Variants in TGDS observed in about 807,000 individuals in gnomAD.
TGDS encodes the protein TDP-glucose 4,6-dehydratase.
TGDS carries 47 observed loss-of-function variants against 52.3 expected under a neutral mutation model. The ratio of observed to expected loss-of-function variants is 0.90; its 90% CI spans 0.71 to 1.15. The LOEUF (loss-of-function observed/expected upper bound fraction) is 1.15, where lower values mean the gene tolerates loss of function less well. Ranked by LOEUF, TGDS falls within the 50% of genes most tolerant of loss-of-function variation. TGDS has a pLI of 0.00. For synonymous variants in TGDS, 115 were observed against 136.9 expected, an observed-to-expected ratio of 0.84 and a Z score of 1.12; for missense variants, 375 against 418.4, an observed-to-expected ratio of 0.90 and a Z score of 0.90.
At chr13:94,595,882 T>C in intron 1 of TGDS, 169 bp downstream of exon 1, 1 of 717,470 alleles carries the variant, frequency 1.4e-6, no homozygotes, top group Admixed American at 2.6e-5. Context: ...AACCACTTCT[T>C]TGCAGGCCAG....
intron 7 of TGDS, chr13:94,579,592 T>A: frequency 5.0e-6 from 1 of 201,504 alleles, no homozygotes; most frequent in Non-Finnish European, 9.9e-6. Flanking sequence ...GGTAGAAGTA[T>A]TCTATAGTGC....
chr13:94,589,577 G>C (rs181038475), intron 4 of TGDS, among the ~76,000 whole-genome samples: 1 of 152,294 alleles, frequency 6.6e-6, no homozygotes, highest in Admixed American at 6.5e-5. Flanking sequence ...GCCTCCCAAA[G>C]TTCTGGGATT....
chr13:94,576,134 T>C (rs1888590824), intron 11 of TGDS, among the ~76,000 whole-genome samples, 180 bp downstream of exon 11: 1 of 152,224 alleles, frequency 6.6e-6, no homozygotes, highest in Admixed American at 6.5e-5. Context: ...GGTTGGTTTA[T>C]AAAATTCAAG....
At chr13:94,583,385 C>T (rs1888870020) in intron 4 of TGDS, 149 bp from the exon 5 acceptor site, 2 of 747,088 alleles carry the variant, frequency 2.7e-6, no homozygotes, top group Admixed American at 7.4e-5. Flanking sequence ...CACAGGCAGT[C>T]ATATTTATGA....
chr13:94,584,548 A>C (rs1424568374), intron 4 of TGDS, among the ~76,000 whole-genome samples: 1 of 152,216 alleles, frequency 6.6e-6, no homozygotes, highest in Non-Finnish European at 1.5e-5. Context: ...TAGGCAAATA[A>C]TATTCCCTAG....
intron 2 of TGDS, among the ~76,000 whole-genome samples, 177 bp downstream of exon 2, chr13:94,593,664 C>T (rs936315455): frequency 2.6e-5 from 4 of 152,006 alleles, no homozygotes; most frequent in Admixed American, 2.0e-4. Context: ...ATGCAGGTTT[C>T]AAAAACTTTT....
At position 94,592,268 on chromosome 13, in the gene TGDS, AG is replaced by A. The variant is rs1208622038; in HGVS notation, c.194del (p.Ser65LeufsTer19). On this transcript the variant is annotated frameshift_variant, in exon 3 of 12. Transcript: ENST00000261296. LOFTEE classifies it high-confidence loss of function. Reference protein sequence around the residue: ...CASLKNLETISNKQNYKFIQG... With the variant: ...CASLKNLETIXNKQNYKFIQG... ...GTATAAATTTGTAGTTCTGTTTGTT[AG>A]AAATGGTTTCAAGATTCTTCAAGCT... 1 of 1,611,386 alleles carries A rather than the reference AG, an allele frequency of 6.2e-7. No homozygotes were observed. The highest frequency in any genetic ancestry group is 1.1e-5 in the South Asian group (1 of 90,422).
intron 1 of TGDS, 137 bp downstream of exon 1, chr13:94,595,914 T>G (rs1889358932): frequency 1.1e-6 from 1 of 908,294 alleles, no homozygotes; most frequent in African/African-American, 1.7e-5. Context: ...CTGGTCCAGG[T>G]CGTGCATTAG....
At chr13:94,594,000 TCA>T in intron 1 of TGDS, 93 bp from the exon 2 acceptor site, 6 of 734,114 alleles carry the variant, frequency 8.2e-6, no homozygotes, top group Non-Finnish European at 1.3e-5. Flanking sequence ...AGGAAAATAC[TCA>T]AAGATAACTT....
At position 94,576,356 on chromosome 13, in the gene TGDS, A is replaced by T. The variant is rs144948056; in HGVS notation, c.940T>A (p.Trp314Arg). 1 of 1,607,078 alleles carries T rather than the reference A, an allele frequency of 6.2e-7. No individual in the cohort carries two copies. The highest frequency in any genetic ancestry group is 8.5e-7 in the Non-Finnish European group (1 of 1,176,558). The change falls in exon 11 of 12, where the codon TGG becomes AGG. Residue 314 changes from tryptophan to arginine, a missense_variant. Trp to Arg is a moderately radical substitution (Grantham distance 101, BLOSUM62 -3). Coordinates refer to ENST00000261296, the MANE Select transcript of TGDS (RefSeq NM_014305.4). Reference protein sequence around the residue: ...MKSEKIHGLGWRPKVPWKEGI... With the variant: ...MKSEKIHGLGRRPKVPWKEGI... ...TCTTTCCAAGGCACTTTAGGTCTCC[A>T]TCCTAAGCCATGTATTTTTTCTGAC...
chr13:94,590,180 T>A (rs1048635527), intron 4 of TGDS, among the ~76,000 whole-genome samples: 12 of 147,786 alleles, frequency 8.1e-5, no homozygotes, highest in Admixed American at 5.4e-4. Flanking sequence ...TATATATATA[T>A]AAAATATATA....
intron 5 of TGDS, among the ~76,000 whole-genome samples, chr13:94,581,878 T>C (rs1378478773): frequency 6.6e-6 from 1 of 152,156 alleles, no homozygotes; most frequent in East Asian, 1.9e-4. Flanking sequence ...CTAAAAAGTG[T>C]AATATTTATG....
rs747653125 is a variant in TGDS, at chr13:94,592,224, C to A, written c.222+17G>T. 2 of 1,582,320 alleles carry A rather than the reference C, an allele frequency of 1.3e-6. No individual in the cohort carries two copies. The highest frequency in any genetic ancestry group is 1.7e-6 in the Non-Finnish European group (2 of 1,161,414). On this transcript the variant is annotated intron_variant, in intron 3 of 11. Transcript: ENST00000261296. ...TGACTAAAGAGGCACGGTACAGTTA[C>A]AAGAAAATGTTCATACCTGTATAAA...
In TGDS at chr13:94,586,930, T is replaced by A. The variant is rs201444121; in HGVS notation, c.314-3694A>T. 2.0e-5 allele frequency among the ~76,000 whole-genome samples: 3 copies of A among 152,050 alleles called. No homozygotes were observed. In the East Asian group the frequency reaches 5.8e-4, roughly 29 times the overall value. On this transcript the variant is annotated intron_variant, in intron 4 of 11. Coordinates refer to ENST00000261296, the MANE Select transcript of TGDS (RefSeq NM_014305.4). Reference sequence around the variant, plus strand: ...CATGCCATCATGCCTGGCTTTATTTTTTATTATTATTTTTTGTACAGACAG... The same window carrying A: ...CATGCCATCATGCCTGGCTTTATTTATTATTATTATTTTTTGTACAGACAG...
chr13:94,582,407 A>C (rs1888829420), intron 5 of TGDS, among the ~76,000 whole-genome samples: 2 of 152,226 alleles, frequency 1.3e-5, no homozygotes, highest in African/African-American at 4.8e-5. Flanking sequence ...AATTACAAAT[A>C]AATCTGTACC....
rs1171446283 is a variant in TGDS at position 94,578,090 on chromosome 13, T to C, written c.740A>G (p.Lys247Arg). 6.2e-7 allele frequency: 1 copy of C among 1,613,770 alleles called. No homozygotes were observed. Among genetic ancestry groups the C allele is most frequent in the Non-Finnish European group, 8.5e-7 (1 of 1,179,898 alleles). Residue 247 changes from lysine to arginine, a missense_variant, in exon 9 of 12, where the codon AAA becomes AGA. Lys to Arg is a conservative substitution (Grantham distance 26). Coordinates refer to ENST00000261296, the MANE Select transcript of TGDS (RefSeq NM_014305.4). Reference protein sequence around the residue: ...DVVEAFLTVLKKGKPGEIYNI... With the variant: ...DVVEAFLTVLRKGKPGEIYNI... ...ATAAATTTCACCTGGTTTCCCTTTT[T>C]TGAGGACAGTGAGAAATGCTTCTAC... is the stretch of plus-strand genomic sequence containing the variant.
intron 3 of TGDS, 89 bp from the exon 4 acceptor site, chr13:94,591,032 C>T: frequency 1.2e-6 from 1 of 837,616 alleles, no homozygotes; most frequent in Non-Finnish European, 1.9e-6. Flanking sequence ...CCCTACCTCC[C>T]ACCTCCCTGT....
intron 5 of TGDS, 67 bp from the exon 6 acceptor site, chr13:94,581,256 G>T: frequency 9.6e-7 from 1 of 1,042,658 alleles, no homozygotes; most frequent in Non-Finnish European, 1.4e-6. Flanking sequence ...CAGAGCATAT[G>T]TTAACACTTC....
chr13:94,594,955 T>C (rs1889326059), intron 1 of TGDS, among the ~76,000 whole-genome samples: 1 of 152,168 alleles, frequency 6.6e-6, no homozygotes, highest in South Asian at 2.1e-4. Context: ...TTCTTCCAGG[T>C]GCTGAATGAA....
Sources: gnomAD v4.1 joint callset for allele counts (sites outside exome capture counted in the v4.1 genomes callset) on GRCh38, gnomAD v4.1.1 for gene constraint, MANE v1.5 for transcripts, NCBI Gene and HGNC (gene_info 2026-07-23, HGNC 2026-07-21) for gene names.